The following CAPN6 variants were observed in gnomAD, a reference collection of about 807,000 sequenced individuals.
CAPN6 encodes calpain 6, also known as calpain-6.
Under a neutral mutation model 46.0 loss-of-function variants are expected in CAPN6, and 16 were observed. The observed-to-expected ratio is 0.35, with a 90% CI of 0.24 to 0.53. The LOEUF (loss-of-function observed/expected upper bound fraction) is 0.53, where lower values mean the gene tolerates loss of function less well. CAPN6 is among the 20% of genes least tolerant of loss of function. CAPN6 has a pLI of 0.94. For missense variants in CAPN6, 461 were observed against 498.0 expected, an observed-to-expected ratio of 0.93 and a Z score of 0.71; for synonymous variants, 206 against 172.8, an observed-to-expected ratio of 1.19 and a Z score of -1.51.
At chrX:111,247,254 C>CA in intron 12 of CAPN6, 114 bp downstream of exon 12, 1 of 728,629 alleles carries the variant, frequency 1.4e-6, no homozygotes, top group Non-Finnish European at 2.0e-6. Flanking sequence ...TAAAACAAAC[C>CA]AAAAAATACG....
intron 1 of CAPN6, among the ~76,000 whole-genome samples, chrX:111,269,330 G>T (rs957997080): frequency 8.9e-6 from 1 of 112,038 alleles, no homozygotes; most frequent in Non-Finnish European, 1.9e-5. Context: ...AGGAATAAAA[G>T]AGTTAATTAG....
Position 111,251,410 on chromosome X carries a change from G to C in CAPN6, c.894-124C>G, listed in dbSNP as rs762882177. Reference sequence around the variant, plus strand: ...TCAGTCCTGCTTTATTTCATCTGCGGCTGGGTCACAGACCCCGTGCCTGAC... The same window carrying C: ...TCAGTCCTGCTTTATTTCATCTGCGCCTGGGTCACAGACCCCGTGCCTGAC... On this transcript the variant is annotated intron_variant, in intron 6 of 12. Transcript: ENST00000324068. The C allele has an allele frequency of 7.7e-6, 7 of 909,231 alleles. No homozygotes were observed. The East Asian group carries it at 1.5e-4, about 20-fold the overall frequency. 74.9% of individuals were successfully genotyped at this position (909,231 alleles called of 1,213,427 possible).
At position 111,253,183 on chromosome X, in the gene CAPN6, G is replaced by A; in HGVS notation, c.331C>T (p.Pro111Ser). 8.3e-7 allele frequency: 1 copy of A among 1,209,832 alleles called. No individual in the cohort carries two copies. Among genetic ancestry groups the A allele is most frequent in the South Asian group, 1.8e-5 (1 of 56,914 alleles). The change falls in exon 4 of 13, where the codon CCT (proline) becomes TCT (serine). Residue 111 changes from proline to serine, a missense_variant. Physicochemically the swap from Pro to Ser is moderately conservative, Grantham distance 74. Transcript: ENST00000324068. Reference protein sequence around the residue: ...IPNHKEQEWDPQKTEKYAGIF... With the variant: ...IPNHKEQEWDSQKTEKYAGIF... ...CCAGCGTATTTTTCTGTTTTTTGAG[G>A]GTCCCATTCCTGTTCCTTATGGTTG...
At chrX:111,250,328 T>G (rs1363995387) in intron 8 of CAPN6, among the ~76,000 whole-genome samples, 1 of 111,590 alleles carries the variant, frequency 9.0e-6, no homozygotes, top group Non-Finnish European at 1.9e-5. Context: ...GATTTTTTAC[T>G]CTGGAGTGTG....
chrX:111,269,238 G>A (rs1473367458), intron 1 of CAPN6, among the ~76,000 whole-genome samples: 1 of 111,453 alleles, frequency 9.0e-6, no homozygotes, highest in Non-Finnish European at 1.9e-5. Context: ...AATAAAGAAC[G>A]CTATTTGAAT....
rs766528262 is a variant in CAPN6 at position 111,258,799 on chromosome X, C to A, written c.166-4396G>T. Among the ~76,000 whole-genome samples, 14 of 112,014 alleles carry A rather than the reference C, an allele frequency of 1.2e-4. No homozygotes were observed. The South Asian group carries it at 3.4e-3, about 27-fold the overall frequency. On this transcript the variant is annotated intron_variant, in intron 2 of 12. Coordinates refer to ENST00000324068, the MANE Select transcript of CAPN6 (RefSeq NM_014289.4). Reference sequence around the variant, plus strand: ...CAGGATTCTGCTAGGAGACTCAAGGCACAGATCCCGAACTGCTTTTTTGGG... The same window carrying A: ...CAGGATTCTGCTAGGAGACTCAAGGAACAGATCCCGAACTGCTTTTTTGGG...
At chrX:111,250,129 G>A (rs1285947802) in intron 8 of CAPN6, among the ~76,000 whole-genome samples, 1 of 111,020 alleles carries the variant, frequency 9.0e-6, no homozygotes, top group Admixed American at 9.6e-5. Flanking sequence ...TATGAGTTAG[G>A]TGAATCAGCC....
chrX:111,267,515 T>G (rs910106675), intron 1 of CAPN6, among the ~76,000 whole-genome samples: 1 of 111,604 alleles, frequency 9.0e-6, no homozygotes, highest in Non-Finnish European at 1.9e-5. Flanking sequence ...GAGAGGTATT[T>G]TTTTTCTACT....
At chrX:111,253,855 T>A (rs926413) in intron 3 of CAPN6, among the ~76,000 whole-genome samples, 8,660 of 112,103 alleles carry the variant, frequency 0.077, 771 homozygotes, top group African/African-American at 0.25. Flanking sequence ...TTATTAGAAC[T>A]TTTCAAGTCC....
intron 2 of CAPN6, among the ~76,000 whole-genome samples, chrX:111,259,781 G>C (rs765451258): frequency 9.0e-6 from 1 of 111,725 alleles, no homozygotes; most frequent in Non-Finnish European, 1.9e-5. Context: ...TCAGGGATTA[G>C]ATGTGTCTGA....
At chrX:111,249,193 A>T in intron 8 of CAPN6, 136 bp from the exon 9 acceptor site, 3 of 652,105 alleles carry the variant, frequency 4.6e-6, no homozygotes, top group Non-Finnish European at 6.9e-6. Context: ...TTTATCAGAC[A>T]ACAAGGTCTT....
intron 1 of CAPN6, among the ~76,000 whole-genome samples, chrX:111,269,393 C>T (rs1272727475): frequency 8.9e-6 from 1 of 112,361 alleles, no homozygotes; most frequent in East Asian, 2.8e-4. Flanking sequence ...AGTGTTCTTA[C>T]TTTCACAATA....
intron 2 of CAPN6, among the ~76,000 whole-genome samples, chrX:111,257,102 A>G (rs1169134711): frequency 1.8e-5 from 2 of 111,294 alleles, no homozygotes; most frequent in African/African-American, 6.5e-5. Flanking sequence ...ACCTAGGCCT[A>G]AAGTTTTTTA....
intron 6 of CAPN6, 111 bp from the exon 7 acceptor site, chrX:111,251,397 T>A: frequency 1.1e-6 from 1 of 940,798 alleles, no homozygotes; most frequent in Non-Finnish European, 1.5e-6. Context: ...AGTCCTGCTT[T>A]ATTTCATCTG....
At position 111,251,403 on chromosome X, in the gene CAPN6, A is replaced by T. The variant is rs183182935; in HGVS notation, c.894-117T>A. The T allele has an allele frequency of 2.5e-3, 2,298 of 928,646 alleles. 38 individuals are homozygous for T. The African/African-American group carries it at 0.039, about 16-fold the overall frequency. The allele number at this position is 928,646 out of a possible 1,213,427, so 76.5% of individuals were successfully genotyped here. The stretch of plus-strand genomic sequence containing the variant: ...ATGAGGATCAGTCCTGCTTTATTTC[A>T]TCTGCGGCTGGGTCACAGACCCCGT... On this transcript the variant is annotated intron_variant, in intron 6 of 12. Transcript: ENST00000324068.
chrX:111,248,849 G>A, intron 9 of CAPN6, 78 bp from the exon 10 acceptor site: 1 of 1,180,499 alleles, frequency 8.5e-7, no homozygotes, highest in Non-Finnish European at 1.2e-6. Context: ...TTATCCCTAG[G>A]CCTTCCATTC....
intron 4 of CAPN6, among the ~76,000 whole-genome samples, chrX:111,252,709 C>T (rs190989840): frequency 1.8e-3 from 200 of 111,731 alleles, no homozygotes; most frequent in Middle Eastern, 4.7e-3. Context: ...CTTCTTTCTA[C>T]GGGGAGATAT....
intron 2 of CAPN6, among the ~76,000 whole-genome samples, chrX:111,259,280 C>T (rs2094986069): frequency 8.9e-6 from 1 of 112,382 alleles, no homozygotes; most frequent in Admixed American, 9.4e-5. Context: ...TGGGCCTATT[C>T]AACTCTCTTC....
intron 8 of CAPN6, among the ~76,000 whole-genome samples, chrX:111,250,198 G>T (rs940565587): frequency 1.8e-5 from 2 of 111,444 alleles, no homozygotes; most frequent in African/African-American, 6.5e-5. Flanking sequence ...AAGAAAAGAC[G>T]CACCCATGGG....
Sources: gnomAD v4.1 joint callset for allele counts (sites outside exome capture counted in the v4.1 genomes callset) on GRCh38, gnomAD v4.1.1 for gene constraint, MANE v1.5 for transcripts, NCBI Gene and HGNC (gene_info 2026-07-23, HGNC 2026-07-21) for gene names.